The following MTA1 variants were observed in gnomAD, a reference collection of about 807,000 sequenced individuals.
MTA1 encodes the protein metastasis-associated protein MTA1.
MTA1 carries 15 observed loss-of-function variants against 97.0 expected under a neutral mutation model. The ratio of observed to expected loss-of-function variants is 0.15; its 90% confidence interval spans 0.10 to 0.24. The LOEUF is 0.24. Among genes scored for constraint, MTA1 ranks in the 10% least tolerant of loss-of-function variants. The probability of loss-of-function intolerance (pLI) is 1.00; values close to 1 mark genes in which losing one functional copy is unlikely to be tolerated. For synonymous variants in MTA1, 435 were observed against 417.5 expected (o/e 1.04, Z -0.51); for missense variants, 709 against 1,015.1 (o/e 0.70, Z 4.10).
rs782586723 is a variant in MTA1, at chr14:105,463,990, G to A, written c.1077-42G>A. The A allele has an allele frequency of 3.7e-6, 6 of 1,601,466 alleles. No individual in the cohort carries two copies. The highest frequency in any genetic ancestry group is 5.1e-6 in the Non-Finnish European group (6 of 1,170,236). Reference sequence around the variant, plus strand: ...CTGGGCACATGGGCCCTCGAGGTTTGTGCTCCTGCAACTCCTCTCGTCTCT... The same window carrying A: ...CTGGGCACATGGGCCCTCGAGGTTTATGCTCCTGCAACTCCTCTCGTCTCT... On this transcript the variant is annotated intron_variant, in intron 12 of 20. Transcript: ENST00000331320. This position sits in a 1 kb window ranked among gnomAD's most constrained non-coding sequence, Gnocchi z 5.9.
chr14:105,443,949 G>A (rs1184615938), intron 2 of MTA1, among the ~76,000 whole-genome samples: 6 of 152,076 alleles, frequency 3.9e-5, no homozygotes, highest in African/African-American at 1.4e-4. Flanking sequence ...ATGAGCCGGT[G>A]TGGTGGTGGG....
Position 105,455,454 on chromosome 14 carries a change from G to A in MTA1, c.550+1144G>A, listed in dbSNP as rs926173296. ...TCATCTCCCCGCTGGGCAAGGCCGC[G>A]AGGCTGCCCTCGAGACGCAGGGCTC... On this transcript the variant is annotated intron_variant, in intron 7 of 20. Coordinates refer to ENST00000331320, the MANE Select transcript of MTA1 (RefSeq NM_004689.4). Among the ~76,000 whole-genome samples, 5 of 152,372 alleles carry A rather than the reference G, an allele frequency of 3.3e-5. No homozygotes were observed. In the East Asian group the frequency reaches 5.8e-4, roughly 18 times the overall value.
chr14:105,433,145 G>T (rs1205188340), intron 1 of MTA1, among the ~76,000 whole-genome samples: 1 of 152,172 alleles, frequency 6.6e-6, no homozygotes, highest in Non-Finnish European at 1.5e-5. Flanking sequence ...GCGGCACAGG[G>T]GCCGGGCTCA....
At chr14:105,445,013 G>C (rs1330311492) in intron 2 of MTA1, among the ~76,000 whole-genome samples, 2 of 152,176 alleles carry the variant, frequency 1.3e-5, no homozygotes, top group Non-Finnish European at 2.9e-5. Context: ...GGCTGCGTCC[G>C]CCGCTAGGGC....
At chr14:105,442,498 G>A (rs140500560) in intron 2 of MTA1, among the ~76,000 whole-genome samples, 1 of 152,368 alleles carries the variant, frequency 6.6e-6, no homozygotes, top group East Asian at 1.9e-4. Context: ...CTTTAGGGAA[G>A]AATCTGTGAT....
chr14:105,443,637 A>G (rs981804524), intron 2 of MTA1, among the ~76,000 whole-genome samples: 9 of 152,194 alleles, frequency 5.9e-5, no homozygotes, highest in Admixed American at 2.0e-4. Context: ...CATTTATAAC[A>G]TTAAACCAAA....
intron 1 of MTA1, among the ~76,000 whole-genome samples, chr14:105,427,241 G>A (rs142618825): frequency 1.4e-4 from 22 of 152,350 alleles, no homozygotes; most frequent in South Asian, 8.3e-4. Context: ...CCCAAGTTGC[G>A]TGGTGCTTGG....
intron 18 of MTA1, chr14:105,468,231 G>A (rs1263497463): frequency 7.7e-6 from 9 of 1,168,706 alleles, no homozygotes; most frequent in South Asian, 1.3e-5. Context: ...CCATTTGCCC[G>A]TGCAGCCTGT....
At chr14:105,458,673 T>C (rs1555430461) in intron 8 of MTA1, among the ~76,000 whole-genome samples, 1 of 152,092 alleles carries the variant, frequency 6.6e-6, no homozygotes, top group Non-Finnish European at 1.5e-5. Flanking sequence ...CCTGGGCCAC[T>C]GGGAGCAAGT....
chr14:105,437,529 G>A (rs1374508589), intron 1 of MTA1, among the ~76,000 whole-genome samples: 2 of 151,954 alleles, frequency 1.3e-5, no homozygotes, highest in Non-Finnish European at 2.9e-5. Context: ...GTCCTCAGGG[G>A]CATGAGCCTG....
chr14:105,468,289 C>G, intron 18 of MTA1: 1 of 1,303,630 alleles, frequency 7.7e-7, no homozygotes, highest in Non-Finnish European at 1.0e-6. Context: ...GTGTGGCTCA[C>G]TAACCTAAAG....
intron 1 of MTA1, among the ~76,000 whole-genome samples, chr14:105,431,801 T>G (rs184877561): frequency 1.3e-5 from 2 of 151,958 alleles, no homozygotes; most frequent in Non-Finnish European, 2.9e-5. Flanking sequence ...ATTTTTTGTA[T>G]CTTTAGTAGA....
At position 105,469,830 on chromosome 14, in the gene MTA1, C is replaced by T. The variant is rs977910866; in HGVS notation, c.1846-11C>T. On this transcript the variant is annotated splice_polypyrimidine_tract_variant and intron_variant, in intron 19 of 20. Transcript: ENST00000331320. ...TTGGCTGGCTGCCCAGGAAGTGCAC[C>T]CCCTCTGCAGGGACCAAGCCGGAAC... The T allele has an allele frequency of 1.3e-6, 2 of 1,598,988 alleles. No homozygotes were observed. The highest frequency in any genetic ancestry group is 1.7e-6 in the Non-Finnish European group (2 of 1,173,646).
intron 1 of MTA1, among the ~76,000 whole-genome samples, chr14:105,421,459 G>A (rs1161112859): frequency 1.3e-5 from 2 of 152,200 alleles, no homozygotes; most frequent in Non-Finnish European, 2.9e-5. Context: ...GGCCCACTGC[G>A]CATGGTTTTG....
At chr14:105,423,496 C>T (rs781999971) in intron 1 of MTA1, among the ~76,000 whole-genome samples, 22 of 152,008 alleles carry the variant, frequency 1.4e-4, no homozygotes, top group Non-Finnish European at 2.8e-4. Flanking sequence ...GGATTACAGG[C>T]GTGAGCTCAT....
intron 2 of MTA1, among the ~76,000 whole-genome samples, chr14:105,441,638 C>T (rs2082523018): frequency 6.6e-6 from 1 of 152,048 alleles, no homozygotes; most frequent in African/African-American, 2.4e-5. Context: ...ACTAAAAATA[C>T]AAAAAATTAG....
At chr14:105,466,927 A>C (rs1220610481) in intron 18 of MTA1, 185 bp downstream of exon 18, 1 of 641,946 alleles carries the variant, frequency 1.6e-6, no homozygotes, top group Non-Finnish European at 2.6e-6. Flanking sequence ...AGACCCCCCG[A>C]GCCCAGGCAT....
Position 105,470,279 on chromosome 14 carries a change from G to GC in MTA1, c.*67dup. 1 of 1,246,288 alleles carries GC rather than the reference G, an allele frequency of 8.0e-7. No homozygotes were observed. The highest frequency in any genetic ancestry group is 1.0e-6 in the Non-Finnish European group (1 of 989,904). 77.2% of individuals were successfully genotyped at this position (1,246,288 alleles called of 1,614,324 possible). A position where few individuals can be genotyped will look rare whatever the true frequency, so the allele number is the denominator to read the frequency against. On this transcript the variant is annotated 3_prime_UTR_variant, in exon 21 of 21. Transcript: ENST00000331320. Reference sequence around the variant, plus strand: ...CGCCCACACGGCCCCTTCCCAGCCAGCCCGCCGCCCGCCCCTCAGTTTGGT... The same window carrying GC: ...CGCCCACACGGCCCCTTCCCAGCCAGCCCCGCCGCCCGCCCCTCAGTTTGGT...
intron 3 of MTA1, among the ~76,000 whole-genome samples, chr14:105,447,649 G>A (rs986942675): frequency 6.6e-6 from 1 of 152,268 alleles, no homozygotes; most frequent in South Asian, 2.1e-4. Flanking sequence ...TTTGGACGGT[G>A]CTCCCTGGAA....
Sources: allele counts gnomAD v4.1 joint callset (sites outside exome capture counted in the v4.1 genomes callset), GRCh38; gene constraint gnomAD v4.1.1; non-coding constraint Gnocchi (gnomAD v3.1); transcripts MANE v1.5; gene names NCBI Gene and HGNC (gene_info 2026-07-23, HGNC 2026-07-21).